Variants in KIAA1328 observed in about 807,000 individuals in gnomAD.
KIAA1328 encodes the protein KIAA1328, also known as protein hinderin.
A neutral mutation model predicts 68.1 loss-of-function variants in KIAA1328; 52 were observed. The ratio of observed to expected loss-of-function variants is 0.76; its 90% CI spans 0.61 to 0.96. The LOEUF is 0.96. KIAA1328 is among the 40% of genes least tolerant of loss of function. The pLI, the probability that KIAA1328 is intolerant of heterozygous loss-of-function variation, is 0.00. For missense variants in KIAA1328, 641 were observed against 677.6 expected (o/e 0.95, Z 0.60); for synonymous variants, 232 against 239.4 (o/e 0.97, Z 0.28).
chr18:36,886,802 T>A (rs1031282937), intron 5 of KIAA1328, among the ~76,000 whole-genome samples: 1 of 152,126 alleles, frequency 6.6e-6, no homozygotes, highest in Admixed American at 6.5e-5. Context: ...ATTCTGCAAA[T>A]GTCGAAAATG....
At position 37,176,593 on chromosome 18, in the gene KIAA1328, T is replaced by A. The variant is rs531904322; in HGVS notation, c.1523+3512T>A. On this transcript the variant is annotated intron_variant, in intron 9 of 9. Coordinates refer to ENST00000280020, the MANE Select transcript of KIAA1328 (RefSeq NM_020776.3). ...GGTGAAGCTGAATTAAATGTACCAT[T>A]CATTTCTGCTTGAATGGAACAAGCA... 3.3e-5 allele frequency among the ~76,000 whole-genome samples: 5 copies of A among 152,298 alleles called. No homozygotes were observed. The South Asian group carries it at 1.0e-3, about 32-fold the overall frequency.
intron 6 of KIAA1328, among the ~76,000 whole-genome samples, chr18:37,038,229 G>C (rs894397166): frequency 6.6e-6 from 1 of 152,106 alleles, no homozygotes; most frequent in Non-Finnish European, 1.5e-5. Flanking sequence ...GCTTATCTAT[G>C]CTTGCAGCTT....
chr18:37,044,334 A>G (rs1234464335), intron 6 of KIAA1328, among the ~76,000 whole-genome samples: 2 of 152,150 alleles, frequency 1.3e-5, no homozygotes, highest in Non-Finnish European at 2.9e-5. Flanking sequence ...CCTATCCGTC[A>G]TCTCCCTTCC....
In KIAA1328 at chr18:37,222,962, G is replaced by A. The variant is rs2060590196; in HGVS notation, c.*735G>A. The A allele has an allele frequency of 2.0e-6, 2 of 985,438 alleles. No individual in the cohort carries two copies. The highest frequency in any genetic ancestry group is 2.4e-6 in the Non-Finnish European group (2 of 830,008). The allele number at this position is 985,438 out of a possible 1,614,324, so 61.0% of individuals were successfully genotyped here. ...AAGCCTGAAGCACTCTTCTACCAAT[G>A]TTTGGGTGACCACCCCTCCAATATC... On this transcript the variant is annotated 3_prime_UTR_variant, in exon 10 of 10. Transcript: ENST00000280020.
chr18:37,132,119 G>C (rs2058536987), intron 7 of KIAA1328, among the ~76,000 whole-genome samples: 1 of 152,052 alleles, frequency 6.6e-6, no homozygotes, highest in Admixed American at 6.6e-5. Context: ...CAGAATTGCT[G>C]TTTATTTACC....
rs1442574464 is a variant in KIAA1328, at chr18:37,223,391, C to T, written c.*1164C>T. 1.5e-5 allele frequency: 15 copies of T among 985,304 alleles called. No homozygotes were observed. The highest frequency in any genetic ancestry group is 1.6e-5 in the Non-Finnish European group (13 of 829,962). 61.0% of individuals were successfully genotyped at this position (985,304 alleles called of 1,614,324 possible). ...GTCTGCTGTCTTTTCTCCCACAGAGCTCTTGAGATGGGTCCTTCAGCTTGC... is the reference window on the plus strand; with the variant it reads ...GTCTGCTGTCTTTTCTCCCACAGAGTTCTTGAGATGGGTCCTTCAGCTTGC... On this transcript the variant is annotated 3_prime_UTR_variant, in exon 10 of 10. Coordinates refer to ENST00000280020, the MANE Select transcript of KIAA1328 (RefSeq NM_020776.3).
chr18:36,937,190 A>C (rs1035368393), intron 5 of KIAA1328, among the ~76,000 whole-genome samples: 1 of 152,162 alleles, frequency 6.6e-6, no homozygotes, highest in African/African-American at 2.4e-5. Context: ...CCTTGCTTAC[A>C]CCCTATACAA....
intron 9 of KIAA1328, among the ~76,000 whole-genome samples, chr18:37,173,968 T>C (rs1214539949): frequency 6.6e-6 from 1 of 152,212 alleles, no homozygotes; most frequent in East Asian, 1.9e-4. Context: ...TTGGCTCTTT[T>C]TGTCATTCCT....
chr18:37,161,062 T>C (rs935091264), intron 8 of KIAA1328, among the ~76,000 whole-genome samples: 1 of 152,140 alleles, frequency 6.6e-6, no homozygotes, highest in Non-Finnish European at 1.5e-5. Flanking sequence ...ACAGAAAAGA[T>C]GTACAGGAAA....
intron 6 of KIAA1328, among the ~76,000 whole-genome samples, chr18:36,961,343 G>A (rs571103463): frequency 6.6e-5 from 10 of 152,328 alleles, no homozygotes; most frequent in African/African-American, 1.4e-4. Flanking sequence ...CATTTGGTTG[G>A]TGTACCTGAA....
chr18:36,860,126 G>C (rs976377040), intron 4 of KIAA1328, among the ~76,000 whole-genome samples: 1 of 152,118 alleles, frequency 6.6e-6, no homozygotes. Flanking sequence ...GAATTGAATT[G>C]TGAAAAGAAT....
chr18:37,126,671 A>G (rs1431989135), intron 7 of KIAA1328, among the ~76,000 whole-genome samples: 3 of 152,190 alleles, frequency 2.0e-5, no homozygotes, highest in African/African-American at 7.2e-5. Flanking sequence ...ACATACCAAT[A>G]TCTCTCATGA....
At chr18:37,108,593 C>T (rs1055206456) in intron 7 of KIAA1328, among the ~76,000 whole-genome samples, 17 of 152,022 alleles carry the variant, frequency 1.1e-4, no homozygotes, top group African/African-American at 2.4e-4. Flanking sequence ...AATCAACTTA[C>T]GCATTTTTTC....
chr18:37,151,437 A>T (rs1296901832), intron 7 of KIAA1328, among the ~76,000 whole-genome samples: 1 of 152,194 alleles, frequency 6.6e-6, no homozygotes, highest in Non-Finnish European at 1.5e-5. Context: ...TGAAATTTAT[A>T]TGGAAATGTG....
chr18:37,199,497 T>C (rs2060066855), intron 9 of KIAA1328, among the ~76,000 whole-genome samples: 1 of 152,232 alleles, frequency 6.6e-6, no homozygotes, highest in Admixed American at 6.5e-5. Flanking sequence ...CAATCTGTCA[T>C]TGAGGAGCAT....
intron 5 of KIAA1328, among the ~76,000 whole-genome samples, chr18:36,924,374 T>A (rs577068072): frequency 6.6e-6 from 1 of 152,062 alleles, no homozygotes; most frequent in South Asian, 2.1e-4. Context: ...AATGAGCATA[T>A]AAGGAAGGAG....
intron 9 of KIAA1328, among the ~76,000 whole-genome samples, chr18:37,211,547 C>A (rs2060316048): frequency 6.6e-6 from 1 of 152,192 alleles, no homozygotes; most frequent in Non-Finnish European, 1.5e-5. Flanking sequence ...GAGAAGCCCA[C>A]ATTCTAGGCG....
intron 5 of KIAA1328, among the ~76,000 whole-genome samples, chr18:36,901,530 G>T (rs1474863424): frequency 6.6e-6 from 1 of 152,020 alleles, no homozygotes. Context: ...TTTGAGAGTT[G>T]ATTCAGATCT....
intron 5 of KIAA1328, among the ~76,000 whole-genome samples, chr18:36,938,024 G>A (rs2050570889): frequency 6.6e-6 from 1 of 152,064 alleles, no homozygotes; most frequent in Non-Finnish European, 1.5e-5. Flanking sequence ...TTGATTCTGT[G>A]TCTTGACTAT....
Sources: gnomAD v4.1 joint callset for allele counts (sites outside exome capture counted in the v4.1 genomes callset) on GRCh38, gnomAD v4.1.1 for gene constraint, MANE v1.5 for transcripts, NCBI Gene and HGNC (gene_info 2026-07-23, HGNC 2026-07-21) for gene names.